MPP7: variants seen among roughly 807,000 people sequenced by gnomAD.
The protein encoded by MPP7 is MAGUK p55 scaffold protein 7, also known as MAGUK p55 subfamily member 7.
Under a neutral mutation model 76.5 loss-of-function variants are expected in MPP7, and 60 were observed. The observed-to-expected ratio is 0.78, with a 90% CI of 0.64 to 0.97. The LOEUF is 0.97. MPP7 is among the 50% of genes least tolerant of loss of function. MPP7 has a pLI of 0.00. For synonymous variants in MPP7, 237 were observed against 244.5 expected, an observed-to-expected ratio of 0.97 and a Z score of 0.29; for missense variants, 641 against 694.0, an observed-to-expected ratio of 0.92 and a Z score of 0.86.
chr10:28,313,299 A>T (rs1841299701), intron 2 of MPP7, among the ~76,000 whole-genome samples: 1 of 152,198 alleles, frequency 6.6e-6, no homozygotes, highest in African/African-American at 2.4e-5. Context: ...TGAGGTCAGG[A>T]GTTGGAGACC....
chr10:28,214,787 A>G (rs1346541650), intron 2 of MPP7, among the ~76,000 whole-genome samples: 2 of 152,206 alleles, frequency 1.3e-5, no homozygotes, highest in African/African-American at 2.4e-5. Context: ...CTTTCCCAGA[A>G]AGACCCCCTT....
At chr10:28,142,798 T>C (rs1486725996) in intron 5 of MPP7, among the ~76,000 whole-genome samples, 1 of 152,156 alleles carries the variant, frequency 6.6e-6, no homozygotes, top group Admixed American at 6.5e-5. Context: ...TGCAACAGCA[T>C]AGGGAAACAG....
At chr10:28,297,946 T>C (rs1279633446) in intron 1 of MPP7, among the ~76,000 whole-genome samples, 1 of 152,212 alleles carries the variant, frequency 6.6e-6, no homozygotes, top group Non-Finnish European at 1.5e-5. Context: ...TCTTTGCTCA[T>C]TCAGAAGAAG....
chr10:28,195,517 C>T (rs985089739), intron 3 of MPP7, among the ~76,000 whole-genome samples: 5 of 152,144 alleles, frequency 3.3e-5, no homozygotes, highest in African/African-American at 1.2e-4. Flanking sequence ...AAAGGATGAA[C>T]GAAGTGTGAT....
intron 5 of MPP7, among the ~76,000 whole-genome samples, chr10:28,145,384 T>G (rs965508051): frequency 3.3e-5 from 5 of 152,224 alleles, no homozygotes; most frequent in African/African-American, 1.2e-4. Context: ...ACATTTTTCA[T>G]ATTTTAACTG....
At chr10:28,149,683 A>C (rs1835815289) in intron 4 of MPP7, among the ~76,000 whole-genome samples, 2 of 151,624 alleles carry the variant, frequency 1.3e-5, no homozygotes, top group Admixed American at 1.3e-4. Flanking sequence ...TGACTTTCTC[A>C]GAACACCAAC....
intron 1 of MPP7, among the ~76,000 whole-genome samples, 154 bp downstream of exon 1, chr10:28,302,707 C>T (rs1841192089): frequency 1.3e-5 from 2 of 152,032 alleles, no homozygotes; most frequent in African/African-American, 4.8e-5. Flanking sequence ...CGCGGGCTCC[C>T]AGGCTGAGGC....
chr10:28,204,692 G>A (rs1293456650), intron 2 of MPP7, among the ~76,000 whole-genome samples: 1 of 152,124 alleles, frequency 6.6e-6, no homozygotes, highest in African/African-American at 2.4e-5. Context: ...AAAAATTATG[G>A]CAAACACGGT....
At position 28,236,713 on chromosome 10, in the gene MPP7, C is replaced by G. The variant is rs369267605; in HGVS notation, c.37+1855G>C. 5 of 152,204 alleles carry G rather than the reference C, an allele frequency of 3.3e-5. No individual in the cohort carries two copies. The East Asian group carries it at 9.7e-4, about 29-fold the overall frequency. 9.4% of individuals were successfully genotyped at this position (152,204 alleles called of 1,614,324 possible). On this transcript the variant is annotated intron_variant, in intron 2 of 16. Transcript: ENST00000683449. Reference sequence around the variant, plus strand: ...GAACGTATTTTCCCAAATGAGCAATCCATGCATCTAGGCTGCTGTGAGTCG... The same window carrying G: ...GAACGTATTTTCCCAAATGAGCAATGCATGCATCTAGGCTGCTGTGAGTCG...
At chr10:28,199,906 G>A (rs773858952) in intron 3 of MPP7, among the ~76,000 whole-genome samples, 3 of 147,700 alleles carry the variant, frequency 2.0e-5, no homozygotes, top group Non-Finnish European at 3.0e-5. Flanking sequence ...ACACACACAC[G>A]ATCACACGAT....
intron 3 of MPP7, among the ~76,000 whole-genome samples, chr10:28,166,846 T>C (rs1564671991): frequency 1.3e-5 from 2 of 152,236 alleles, no homozygotes; most frequent in East Asian, 1.9e-4. Flanking sequence ...ACTTGCTTTT[T>C]TCCCCCTTCA....
intron 11 of MPP7, among the ~76,000 whole-genome samples, chr10:28,098,916 A>T (rs1853690409): frequency 6.6e-6 from 1 of 152,112 alleles, no homozygotes. Flanking sequence ...AGTAACGATG[A>T]AAAAAAGAAG....
At chr10:28,301,784 T>C (rs899475729) in intron 1 of MPP7, among the ~76,000 whole-genome samples, 1 of 152,144 alleles carries the variant, frequency 6.6e-6, no homozygotes, top group Non-Finnish European at 1.5e-5. Context: ...ATACTGTTTT[T>C]ATAGAACCAG....
intron 13 of MPP7, among the ~76,000 whole-genome samples, chr10:28,066,218 T>C (rs888953264): frequency 5.9e-5 from 9 of 152,090 alleles, no homozygotes; most frequent in Non-Finnish European, 1.2e-4. Context: ...AATCAATCAA[T>C]AAGAAACTTC....
intron 6 of MPP7, among the ~76,000 whole-genome samples, chr10:28,131,318 C>T (rs891799698): frequency 5.3e-5 from 8 of 152,134 alleles, no homozygotes; most frequent in African/African-American, 9.7e-5. Flanking sequence ...ACATGTTACG[C>T]CTTCTTTCAT....
intron 1 of MPP7, among the ~76,000 whole-genome samples, chr10:28,262,579 CACAG>C (rs1840027096): frequency 6.6e-6 from 1 of 151,954 alleles, no homozygotes; most frequent in African/African-American, 2.4e-5. Context: ...CTTTGGAAGC[CACAG>C]ACATTTTTTA....
intron 2 of MPP7, among the ~76,000 whole-genome samples, chr10:28,314,700 T>A (rs1841308753): frequency 6.6e-6 from 1 of 152,208 alleles, no homozygotes; most frequent in Admixed American, 6.5e-5. Context: ...GGCCATTTCC[T>A]TATTAATAAT....
chr10:28,123,891 C>A, intron 8 of MPP7, 140 bp downstream of exon 8: 1 of 612,720 alleles, frequency 1.6e-6, no homozygotes. Flanking sequence ...AGATATTTTC[C>A]AAGAACACAC....
chr10:28,147,558 G>C lies in MPP7; in HGVS notation c.240C>G (p.Ala80=), dbSNP rs762298417. ...TTAATGGCTTGTTCTGAAGCTCTTC[G>C]GCCAGCTGCAACGGAGATTACATTG... ...HGAAALADDL[A]EELQNKPLNS... is the part of the protein sequence containing the mutation. Residue 80 remains alanine (A), a synonymous_variant, in exon 5 of 17, where the codon GCC becomes GCG. Transcript: ENST00000683449. 3 of 1,613,778 alleles carry C rather than the reference G, an allele frequency of 1.9e-6. No homozygotes were observed. Among genetic ancestry groups the C allele is most frequent in the Admixed American group, 1.7e-5 (1 of 60,006 alleles).
Sources: gnomAD v4.1 joint callset for allele counts (sites outside exome capture counted in the v4.1 genomes callset) on GRCh38, gnomAD v4.1.1 for gene constraint, MANE v1.5 for transcripts, NCBI Gene and HGNC (gene_info 2026-07-23, HGNC 2026-07-21) for gene names.